The following CNBD1 variants were observed in gnomAD, a reference collection of about 807,000 sequenced individuals.
CNBD1 encodes the protein cyclic nucleotide-binding domain-containing protein 1.
Under a neutral mutation model 54.4 loss-of-function variants are expected in CNBD1, and 71 were observed. The observed-to-expected ratio is 1.30, with a 90% CI of 1.08 to 1.59. The LOEUF is 1.59. Among genes scored for constraint, CNBD1 ranks in the 40% most tolerant of loss-of-function variants. CNBD1 has a pLI of 0.00. For missense variants in CNBD1, 659 were observed against 518.0 expected (o/e 1.27, Z -2.64); for synonymous variants, 182 against 170.7 (o/e 1.07, Z -0.51).
chr8:86,880,607 G>A (rs996842837), intron 1 of CNBD1, among the ~76,000 whole-genome samples: 4 of 152,116 alleles, frequency 2.6e-5, no homozygotes, highest in Non-Finnish European at 4.4e-5. Context: ...ACTGTATTTT[G>A]AAAATATTTA....
intron 3 of CNBD1, among the ~76,000 whole-genome samples, chr8:86,937,331 T>A (rs998490980): frequency 6.6e-6 from 1 of 152,186 alleles, no homozygotes; most frequent in Admixed American, 6.5e-5. Flanking sequence ...GGAGCTACAA[T>A]TCAAGATGGG....
At chr8:87,049,605 A>G (rs1219131208) in intron 4 of CNBD1, among the ~76,000 whole-genome samples, 1 of 152,138 alleles carries the variant, frequency 6.6e-6, no homozygotes. Context: ...AGTTTCTCTG[A>G]GATCCTCCCT....
intron 8 of CNBD1, among the ~76,000 whole-genome samples, chr8:87,306,115 A>G (rs927061265): frequency 2.6e-5 from 4 of 152,218 alleles, no homozygotes; most frequent in African/African-American, 7.2e-5. Context: ...CAATTCCCAA[A>G]AGAAGATATA....
chr8:87,294,095 G>A (rs1808832184), intron 8 of CNBD1, among the ~76,000 whole-genome samples: 1 of 152,152 alleles, frequency 6.6e-6, no homozygotes, highest in Non-Finnish European at 1.5e-5. Flanking sequence ...AGCAATATGA[G>A]TGATAGTTGA....
At chr8:87,388,981 C>G (rs1002106860) in intron 2 of CNBD1, among the ~76,000 whole-genome samples, 3 of 152,150 alleles carry the variant, frequency 2.0e-5, no homozygotes, top group Non-Finnish European at 4.4e-5. Flanking sequence ...AGCATATAAA[C>G]AGAACCAACG....
chr8:87,314,342 TAA>T (rs1190591791), intron 8 of CNBD1, among the ~76,000 whole-genome samples: 2 of 151,922 alleles, frequency 1.3e-5, no homozygotes, highest in Non-Finnish European at 1.5e-5. Context: ...ATTTTTCACT[TAA>T]ATATAAGTCA....
At chr8:87,044,786 A>G (rs1810147087) in intron 4 of CNBD1, 1 of 152,196 alleles carries the variant, frequency 6.6e-6, no homozygotes, top group South Asian at 2.1e-4. Context: ...AAAAGGGAGG[A>G]ACATTTTGCC....
intron 2 of CNBD1, among the ~76,000 whole-genome samples, chr8:87,410,009 C>T (rs1003904467): frequency 1.6e-4 from 24 of 150,878 alleles, no homozygotes; most frequent in Admixed American, 5.3e-4. Context: ...GGTGACAGAG[C>T]GAGACTCTGT....
intron 4 of CNBD1, among the ~76,000 whole-genome samples, chr8:87,097,461 C>T (rs187951273): frequency 6.6e-6 from 1 of 152,192 alleles, no homozygotes; most frequent in East Asian, 1.9e-4. Context: ...TCGATGTGTA[C>T]CAAGAAAAAC....
intron 4 of CNBD1, among the ~76,000 whole-genome samples, chr8:87,107,421 CTCTT>C (rs1811565068): frequency 6.6e-6 from 1 of 152,156 alleles, no homozygotes; most frequent in African/African-American, 2.4e-5. Context: ...GCTCACCATG[CTCTT>C]TCTTTAGGTC....
At chr8:86,983,019 C>T (rs1808522531) in intron 4 of CNBD1, among the ~76,000 whole-genome samples, 1 of 152,090 alleles carries the variant, frequency 6.6e-6, no homozygotes, top group South Asian at 2.1e-4. Flanking sequence ...ATTCAGGGAG[C>T]ACATGTTCAG....
intron 10 of CNBD1, among the ~76,000 whole-genome samples, chr8:87,361,199 A>G (rs1206390166): frequency 6.6e-6 from 1 of 151,988 alleles, no homozygotes; most frequent in African/African-American, 2.4e-5. Flanking sequence ...AAAATGCTTA[A>G]AAGCATCTTC....
At chr8:87,106,889 G>A (rs1811549405) in intron 4 of CNBD1, among the ~76,000 whole-genome samples, 1 of 152,116 alleles carries the variant, frequency 6.6e-6, no homozygotes, top group Admixed American at 6.5e-5. Flanking sequence ...GAGTGCAGTG[G>A]TGTGATCTCG....
intron 4 of CNBD1, among the ~76,000 whole-genome samples, chr8:87,183,378 G>A (rs561311979): frequency 0.018 from 1,942 of 107,022 alleles, 27 homozygotes; most frequent in Non-Finnish European, 0.024. Context: ...TTGTTTTTGC[G>A]CTGTTTGTTT....
chr8:87,299,635 G>A (rs1808945696), intron 8 of CNBD1, among the ~76,000 whole-genome samples: 1 of 152,148 alleles, frequency 6.6e-6, no homozygotes, highest in Non-Finnish European at 1.5e-5. Context: ...TTGTTTGTTG[G>A]AGAAGACCAG....
Position 87,245,087 on chromosome 8 carries a change from C to T in CNBD1, c.771+7975C>T, listed in dbSNP as rs563562900. 9.6e-4 allele frequency among the ~76,000 whole-genome samples: 146 copies of T among 152,104 alleles called. 1 individual carries two copies. The highest frequency in any genetic ancestry group is 7.0e-3 in the Middle Eastern group (2 of 286). ...AACATCTAATTGTCTCTCCGATCAT[C>T]GAAACATTTAATACAGATAGCTTGT... is the stretch of plus-strand genomic sequence containing the variant. On this transcript the variant is annotated intron_variant, in intron 6 of 10. Coordinates refer to ENST00000518476, the MANE Select transcript of CNBD1 (RefSeq NM_173538.3).
chr8:87,241,415 G>C (rs990864016), intron 6 of CNBD1, among the ~76,000 whole-genome samples: 75 of 151,674 alleles, frequency 4.9e-4, no homozygotes, highest in African/African-American at 9.9e-4. Flanking sequence ...GGACTACAGG[G>C]GCCTGCCACC....
chr8:86,888,676 A>G (rs936320918), intron 2 of CNBD1, among the ~76,000 whole-genome samples: 6 of 152,160 alleles, frequency 3.9e-5, no homozygotes, highest in Non-Finnish European at 7.4e-5. Flanking sequence ...TTGTTATGCA[A>G]AAAAGCTCAT....
At chr8:87,193,793 T>C (rs920414452) in intron 4 of CNBD1, among the ~76,000 whole-genome samples, 1 of 152,232 alleles carries the variant, frequency 6.6e-6, no homozygotes, top group East Asian at 1.9e-4. Context: ...GTCTTAAAAC[T>C]AAGTGTAACA....
Sources: allele counts gnomAD v4.1 joint callset (sites outside exome capture counted in the v4.1 genomes callset), GRCh38; gene constraint gnomAD v4.1.1; transcripts MANE v1.5; gene names NCBI Gene and HGNC (gene_info 2026-07-23, HGNC 2026-07-21).